The following TFEC variants were observed in gnomAD, a reference collection of about 807,000 sequenced individuals.
TFEC encodes the protein transcription factor EC, also known as class E basic helix-loop-helix protein 34.
TFEC carries 31 observed loss-of-function variants against 41.6 expected under a neutral mutation model. That is an observed-to-expected ratio of 0.74 (90% confidence interval 0.56 to 1.01). The LOEUF (loss-of-function observed/expected upper bound fraction) is 1.01. TFEC is among the 50% of genes least tolerant of loss of function. The pLI is 0.00. For synonymous variants in TFEC, 143 were observed against 140.6 expected (o/e 1.02, Z -0.12); for missense variants, 402 against 404.1 (o/e 0.99, Z 0.04).
At chr7:115,969,950 A>C (rs892195436) in intron 3 of TFEC, among the ~76,000 whole-genome samples, 1 of 151,998 alleles carries the variant, frequency 6.6e-6, no homozygotes, top group Admixed American at 6.6e-5. Context: ...CTAAAAGCAG[A>C]TTTTGGAGGA....
Position 116,084,642 on chromosome 7 carries a change from T to C in TFEC, c.198+26066A>G, listed in dbSNP as rs996315290. 2.7e-5 allele frequency among the ~76,000 whole-genome samples: 4 copies of C among 146,902 alleles called. No homozygotes were observed. The East Asian group carries it at 8.8e-4, about 32-fold the overall frequency. On this transcript the variant is annotated intron_variant, in intron 3 of 8. Transcript: ENST00000484212. The stretch of plus-strand genomic sequence containing the variant: ...CTGAAAAGTTTCTAATATTTGATTA[T>C]TATTAGAATTCTGAAATAAAATTTG...
intron 6 of TFEC, among the ~76,000 whole-genome samples, chr7:115,948,618 T>C (rs943648329): frequency 6.6e-6 from 1 of 152,072 alleles, no homozygotes; most frequent in Non-Finnish European, 1.5e-5. Flanking sequence ...TCTCAAAAGA[T>C]GCAGAAAAGG....
At chr7:116,045,856 A>G (rs1309647062) in intron 3 of TFEC, among the ~76,000 whole-genome samples, 1 of 152,222 alleles carries the variant, frequency 6.6e-6, no homozygotes, top group Non-Finnish European at 1.5e-5. Flanking sequence ...GGAGCTTCCC[A>G]AGACCATGGG....
intron 3 of TFEC, chr7:115,968,045 G>A (rs1792952084): frequency 2.5e-6 from 2 of 800,470 alleles, no homozygotes; most frequent in Non-Finnish European, 1.8e-6. Flanking sequence ...TGTCAATACA[G>A]CAGAATATAT....
intron 1 of TFEC, among the ~76,000 whole-genome samples, chr7:116,114,484 G>T (rs1285624710): frequency 1.3e-5 from 2 of 151,948 alleles, no homozygotes; most frequent in Non-Finnish European, 1.5e-5. Flanking sequence ...AGCGTAAGGG[G>T]GATTGTTTTT....
intron 1 of TFEC, among the ~76,000 whole-genome samples, chr7:116,158,380 T>G (rs1354048380): frequency 1.3e-5 from 2 of 152,080 alleles, no homozygotes; most frequent in Non-Finnish European, 2.9e-5. Context: ...ATACCTAAAC[T>G]GAGTAAGCCA....
chr7:116,063,619 A>G (rs1451404306), intron 3 of TFEC, among the ~76,000 whole-genome samples: 2 of 152,170 alleles, frequency 1.3e-5, no homozygotes, highest in African/African-American at 2.4e-5. Context: ...ACTGTCTCAA[A>G]AAAGAAAAAA....
intron 1 of TFEC, among the ~76,000 whole-genome samples, chr7:116,145,871 T>C (rs534596606): frequency 1.3e-5 from 2 of 152,308 alleles, no homozygotes; most frequent in African/African-American, 4.8e-5. Flanking sequence ...ACCAATAAAG[T>C]AAGACTTTAA....
At chr7:116,106,003 G>A (rs536774360) in intron 3 of TFEC, among the ~76,000 whole-genome samples, 158 of 152,016 alleles carry the variant, frequency 1.0e-3, no homozygotes, top group Non-Finnish European at 1.8e-3. Flanking sequence ...TTGTAGAAAA[G>A]GTAGAATTTC....
At chr7:116,111,160 T>A (rs967125813) in intron 2 of TFEC, among the ~76,000 whole-genome samples, 1 of 150,798 alleles carries the variant, frequency 6.6e-6, no homozygotes, top group Non-Finnish European at 1.5e-5. Context: ...AGCTAACAAT[T>A]GTGTTTGGAG....
Position 115,993,268 on chromosome 7 carries a change from C to A in TFEC, c.-72-8755G>T, listed in dbSNP as rs369701792. On this transcript the variant is annotated intron_variant, in intron 1 of 7. Transcript: ENST00000265440. The stretch of plus-strand genomic sequence containing the variant: ...CAATATCATACTGAATGGGAAAAAA[C>A]TAGAAGCATTCCCTTTGAAAACTGG... Among the ~76,000 whole-genome samples, 14 of 152,240 alleles carry A rather than the reference C, an allele frequency of 9.2e-5. No homozygotes were observed. The East Asian group carries it at 1.7e-3, about 19-fold the overall frequency.
At chr7:116,098,126 T>C (rs555525452) in intron 3 of TFEC, among the ~76,000 whole-genome samples, 1 of 152,100 alleles carries the variant, frequency 6.6e-6, no homozygotes, top group African/African-American at 2.4e-5. Flanking sequence ...GCAAATTGAG[T>C]GGACAGAAAA....
intron 3 of TFEC, chr7:116,110,562 C>G: frequency 2.1e-6 from 1 of 476,646 alleles, no homozygotes; most frequent in East Asian, 3.5e-5. Context: ...ATTGTATCCA[C>G]TTACTGGAAA....
intron 3 of TFEC, among the ~76,000 whole-genome samples, chr7:115,958,331 T>C (rs1383269927): frequency 6.6e-6 from 1 of 151,926 alleles, no homozygotes; most frequent in Non-Finnish European, 1.5e-5. Context: ...CCATACTTTT[T>C]AAAGTGTAAA....
chr7:116,125,623 G>C (rs1191182568), intron 1 of TFEC, among the ~76,000 whole-genome samples: 1 of 152,068 alleles, frequency 6.6e-6, no homozygotes, highest in Non-Finnish European at 1.5e-5. Context: ...AGATAGAGTG[G>C]AAGGGACAAT....
chr7:116,138,705 T>C (rs530497210), intron 1 of TFEC, among the ~76,000 whole-genome samples: 1 of 152,316 alleles, frequency 6.6e-6, no homozygotes, highest in Admixed American at 6.5e-5. Flanking sequence ...GTTCATAGCC[T>C]TGCAAAGGAA....
intron 1 of TFEC, among the ~76,000 whole-genome samples, chr7:116,016,995 A>G (rs1182099790): frequency 6.6e-6 from 1 of 151,974 alleles, no homozygotes; most frequent in Non-Finnish European, 1.5e-5. Flanking sequence ...CAACTCCACC[A>G]TCCACTCTAA....
chr7:116,063,242 A>C (rs1180336453), intron 3 of TFEC, among the ~76,000 whole-genome samples: 1 of 152,212 alleles, frequency 6.6e-6, no homozygotes, highest in Non-Finnish European at 1.5e-5. Flanking sequence ...GCATAGTGAC[A>C]GAAAGATCAG....
At chr7:115,962,688 C>T (rs1792622673) in intron 3 of TFEC, among the ~76,000 whole-genome samples, 1 of 151,744 alleles carries the variant, frequency 6.6e-6, no homozygotes, top group African/African-American at 2.4e-5. Context: ...CAAAAATTAA[C>T]TCAAAATGGA....
Sources: allele counts gnomAD v4.1 joint callset (sites outside exome capture counted in the v4.1 genomes callset), GRCh38; gene constraint gnomAD v4.1.1; transcripts MANE v1.5; gene names NCBI Gene and HGNC (gene_info 2026-07-23, HGNC 2026-07-21).